TENM2: variants seen among roughly 807,000 people sequenced by gnomAD.
The protein encoded by TENM2 is teneurin transmembrane protein 2.
TENM2 carries 52 observed loss-of-function variants against 245.2 expected under a neutral mutation model. The ratio of observed to expected loss-of-function variants is 0.21; its 90% CI spans 0.17 to 0.27. TENM2 has a LOEUF of 0.27. TENM2 is among the 10% of genes least tolerant of loss of function. The pLI is 1.00. For missense variants in TENM2, 3,046 were observed against 3,666.8 expected (o/e 0.83, Z 4.37); for synonymous variants, 1,363 against 1,438.9 (o/e 0.95, Z 1.19).
chr5:167,612,140 G>T (rs1230177144), intron 2 of TENM2, among the ~76,000 whole-genome samples: 2 of 152,226 alleles, frequency 1.3e-5, no homozygotes, highest in Non-Finnish European at 2.9e-5. Flanking sequence ...TCGAATCGGA[G>T]TTCCAGTGTC....
the TENM2 span, among the ~76,000 whole-genome samples, chr5:167,219,811 C>T: frequency 2.0e-5 from 3 of 152,198 alleles, no homozygotes; most frequent in African/African-American, 4.8e-5. Context: ...GGCTGCACAT[C>T]GTTTGAAAGC....
intron 1 of TENM2, among the ~76,000 whole-genome samples, chr5:167,294,465 A>G (rs936788762): frequency 6.6e-6 from 1 of 152,178 alleles, no homozygotes; most frequent in Non-Finnish European, 1.5e-5. Context: ...TACTCAAGGA[A>G]TAGGAAGGGG....
intron 2 of TENM2, among the ~76,000 whole-genome samples, chr5:167,690,845 A>G (rs949974424): frequency 6.6e-6 from 1 of 152,032 alleles, no homozygotes; most frequent in African/African-American, 2.4e-5. Context: ...TCACACACAC[A>G]TATATGTTTG....
intron 2 of TENM2, among the ~76,000 whole-genome samples, chr5:167,768,755 A>G (rs777405271): frequency 3.3e-5 from 5 of 152,154 alleles, no homozygotes; most frequent in Non-Finnish European, 7.3e-5. Flanking sequence ...TTCTCATGAG[A>G]TTCTTGTGAT....
At chr5:167,943,111 T>C (rs1779320423) in intron 3 of TENM2, among the ~76,000 whole-genome samples, 1 of 152,232 alleles carries the variant, frequency 6.6e-6, no homozygotes, top group Non-Finnish European at 1.5e-5. Context: ...GGAGAAACTT[T>C]TGTTCCCTTG....
intron 1 of TENM2, among the ~76,000 whole-genome samples, chr5:167,362,102 G>C (rs1350741773): frequency 6.6e-6 from 1 of 152,118 alleles, no homozygotes; most frequent in African/African-American, 2.4e-5. Flanking sequence ...TGTAATTAAG[G>C]CTTTACATGT....
chr5:167,093,127 G>A, the TENM2 span, among the ~76,000 whole-genome samples: 3 of 151,834 alleles, frequency 2.0e-5, no homozygotes, highest in East Asian at 1.9e-4. Flanking sequence ...GATTCTCTAC[G>A]AAAGAGGATT....
At chr5:167,834,732 C>T (rs1768823808) in intron 2 of TENM2, among the ~76,000 whole-genome samples, 2 of 151,284 alleles carry the variant, frequency 1.3e-5, no homozygotes, top group Admixed American at 1.3e-4. Flanking sequence ...TCACTGCAAG[C>T]TCCGCCTCCC....
intron 10 of TENM2, among the ~76,000 whole-genome samples, chr5:168,120,645 T>C (rs1465777257): frequency 2.0e-5 from 3 of 152,228 alleles, no homozygotes; most frequent in African/African-American, 7.2e-5. Context: ...TGAATCATTA[T>C]GAAAGGATGA....
At chr5:168,044,231 C>T (rs768262099) in intron 5 of TENM2, among the ~76,000 whole-genome samples, 3 of 152,116 alleles carry the variant, frequency 2.0e-5, no homozygotes, top group Non-Finnish European at 2.9e-5. Context: ...CTGGCTAACA[C>T]GGTGAAACCC....
At chr5:167,748,337 T>C (rs1761727069) in intron 2 of TENM2, among the ~76,000 whole-genome samples, 1 of 151,926 alleles carries the variant, frequency 6.6e-6, no homozygotes, top group South Asian at 2.1e-4. Context: ...TTTCTATCTG[T>C]ATAAGCTACT....
chr5:168,093,581 G>T (rs933120066), intron 8 of TENM2, among the ~76,000 whole-genome samples: 7 of 152,132 alleles, frequency 4.6e-5, no homozygotes, highest in African/African-American at 1.7e-4. Flanking sequence ...ATATATCTTT[G>T]ACTCAGGGAA....
the TENM2 span, among the ~76,000 whole-genome samples, chr5:167,020,846 C>T: frequency 1.3e-5 from 2 of 152,138 alleles, no homozygotes; most frequent in Non-Finnish European, 2.9e-5. Context: ...GGAGAAGACT[C>T]TTAGAAGGAG....
At chr5:167,875,758 G>A (rs960413859) in intron 2 of TENM2, among the ~76,000 whole-genome samples, 2 of 152,012 alleles carry the variant, frequency 1.3e-5, no homozygotes, top group African/African-American at 2.4e-5. Flanking sequence ...CTGTGTACAT[G>A]GATATTTCTG....
At chr5:167,631,185 A>G (rs1184055370) in intron 2 of TENM2, among the ~76,000 whole-genome samples, 2 of 152,154 alleles carry the variant, frequency 1.3e-5, no homozygotes, top group African/African-American at 4.8e-5. Flanking sequence ...AAAAGTCAGT[A>G]AGCTTGGCGA....
intron 13 of TENM2, among the ~76,000 whole-genome samples, chr5:168,173,974 C>T (rs1759097082): frequency 6.6e-6 from 1 of 152,156 alleles, no homozygotes; most frequent in African/African-American, 2.4e-5. Context: ...TCTGAGAAGC[C>T]TGGTACCTTG....
At chr5:168,100,266 T>C (rs1318690266) in intron 9 of TENM2, among the ~76,000 whole-genome samples, 1 of 152,144 alleles carries the variant, frequency 6.6e-6, no homozygotes, top group African/African-American at 2.4e-5. Context: ...GAAATAGGAA[T>C]GCCTTTACAC....
At chr5:167,520,855 G>A (rs941722791) in intron 2 of TENM2, among the ~76,000 whole-genome samples, 5 of 150,684 alleles carry the variant, frequency 3.3e-5, no homozygotes, top group Non-Finnish European at 5.9e-5. Flanking sequence ...AATTTTTAAC[G>A]ACTTAATTCT....
the TENM2 span, among the ~76,000 whole-genome samples, chr5:167,175,254 T>C: frequency 6.6e-6 from 1 of 152,230 alleles, no homozygotes; most frequent in South Asian, 2.1e-4. Flanking sequence ...CCTGTATTTC[T>C]CAGATCCAAA....
Sources: allele counts gnomAD v4.1 joint callset (sites outside exome capture counted in the v4.1 genomes callset), GRCh38; gene constraint gnomAD v4.1.1; transcripts MANE v1.5; gene names NCBI Gene and HGNC (gene_info 2026-07-23, HGNC 2026-07-21).